Variants in ULK4 observed in about 807,000 individuals in gnomAD.
ULK4 encodes the protein unc-51 like kinase 4, also known as inactive serine/threonine-protein kinase ULK4.
Under a neutral mutation model 160.6 loss-of-function variants are expected in ULK4, and 133 were observed. The ratio of observed to expected loss-of-function variants is 0.83; its 90% confidence interval spans 0.72 to 0.96. ULK4 has a LOEUF of 0.96. ULK4 is among the 40% of genes least tolerant of loss of function. ULK4 has a pLI of 0.00. For synonymous variants in ULK4, 534 were observed against 539.8 expected (o/e 0.99, Z 0.15); for missense variants, 1,580 against 1,499.5 (o/e 1.05, Z -0.89).
At chr3:41,812,270 G>A (rs1020486062) in intron 19 of ULK4, among the ~76,000 whole-genome samples, 14 of 152,106 alleles carry the variant, frequency 9.2e-5, no homozygotes, top group Non-Finnish European at 1.5e-4. Flanking sequence ...AGGTGAGAGA[G>A]CAAGACCCTG....
intron 21 of ULK4, among the ~76,000 whole-genome samples, chr3:41,789,250 C>G (rs140893364): frequency 2.1e-4 from 32 of 152,232 alleles, no homozygotes; most frequent in African/African-American, 7.0e-4. Context: ...ATAATTTCAA[C>G]TGGCAGAGTA....
chr3:41,726,023 A>G (rs958616610), intron 22 of ULK4, among the ~76,000 whole-genome samples: 7 of 152,236 alleles, frequency 4.6e-5, no homozygotes, highest in African/African-American at 1.4e-4. Flanking sequence ...AAGGAATCCA[A>G]ATGAAATCCT....
intron 30 of ULK4, among the ~76,000 whole-genome samples, chr3:41,618,205 A>G (rs2033071937): frequency 6.6e-6 from 1 of 152,228 alleles, no homozygotes; most frequent in Non-Finnish European, 1.5e-5. Context: ...ATATTTCAGG[A>G]TATTATCCAG....
intron 35 of ULK4, among the ~76,000 whole-genome samples, chr3:41,256,640 G>T (rs1436602351): frequency 6.6e-6 from 1 of 152,142 alleles, no homozygotes; most frequent in African/African-American, 2.4e-5. Flanking sequence ...ACTTCTAGAA[G>T]AAAATATGGA....
intron 35 of ULK4, among the ~76,000 whole-genome samples, chr3:41,384,984 G>A (rs2081770212): frequency 6.6e-6 from 1 of 152,054 alleles, no homozygotes; most frequent in South Asian, 2.1e-4. Flanking sequence ...GAATCCCTGA[G>A]GTCAAGGCTG....
At chr3:41,553,914 G>A (rs141669418) in intron 32 of ULK4, among the ~76,000 whole-genome samples, 9,292 of 151,858 alleles carry the variant, frequency 0.061, 849 homozygotes, top group African/African-American at 0.2. Flanking sequence ...GCAAATACTA[G>A]GTCTTATTCA....
At chr3:41,836,175 C>T (rs1013030474) in intron 17 of ULK4, among the ~76,000 whole-genome samples, 5 of 150,046 alleles carry the variant, frequency 3.3e-5, no homozygotes, top group African/African-American at 1.3e-4. Context: ...GTAAAATAAA[C>T]ACATATAGCC....
At chr3:41,949,432 A>ATTT (rs368229748) in intron 2 of ULK4, among the ~76,000 whole-genome samples, 7 of 141,592 alleles carry the variant, frequency 4.9e-5, no homozygotes, top group South Asian at 2.2e-4. Context: ...GATTAGCGGA[A>ATTT]TTTTTTTTTT....
At chr3:41,581,791 T>C (rs567720451) in intron 31 of ULK4, among the ~76,000 whole-genome samples, 1 of 151,778 alleles carries the variant, frequency 6.6e-6, no homozygotes, top group East Asian at 1.9e-4. Flanking sequence ...GAGGCTAGAG[T>C]GAGCTGAGAG....
At chr3:41,960,408 G>C (rs1333890864) in intron 1 of ULK4, among the ~76,000 whole-genome samples, 1 of 151,540 alleles carries the variant, frequency 6.6e-6, no homozygotes, top group Non-Finnish European at 1.5e-5. Flanking sequence ...AGTGGCCCAG[G>C]CTGGTGTGCA....
At chr3:41,306,384 C>G (rs1291821864) in intron 35 of ULK4, among the ~76,000 whole-genome samples, 1 of 136,700 alleles carries the variant, frequency 7.3e-6, no homozygotes, top group Admixed American at 6.9e-5. Context: ...CTGCCCCGTC[C>G]GGGAGGTGAG....
intron 2 of ULK4, among the ~76,000 whole-genome samples, chr3:41,949,337 A>ACACAC (rs1485286785): frequency 2.7e-5 from 4 of 150,436 alleles, no homozygotes; most frequent in Non-Finnish European, 5.9e-5. Flanking sequence ...CACACACACA[A>ACACAC]AAAGTAAAGT....
At chr3:41,403,943 GA>G (rs2082238941) in intron 34 of ULK4, among the ~76,000 whole-genome samples, 1 of 152,052 alleles carries the variant, frequency 6.6e-6, no homozygotes, top group South Asian at 2.1e-4. Context: ...TGTTATTAGA[GA>G]ACAATGTTCT....
At chr3:41,298,816 T>A (rs188114999) in intron 35 of ULK4, among the ~76,000 whole-genome samples, 353 of 152,322 alleles carry the variant, frequency 2.3e-3, no homozygotes, top group Non-Finnish European at 4.3e-3. Context: ...CACACTGGTG[T>A]GTACTAGTTG....
At chr3:41,673,771 T>TC (rs1268558183) in intron 29 of ULK4, among the ~76,000 whole-genome samples, 2 of 152,114 alleles carry the variant, frequency 1.3e-5, no homozygotes, top group African/African-American at 4.8e-5. Flanking sequence ...AGCGTATTTT[T>TC]CCCACAGCTT....
At chr3:41,428,226 C>G (rs1387843639) in intron 34 of ULK4, among the ~76,000 whole-genome samples, 1 of 152,134 alleles carries the variant, frequency 6.6e-6, no homozygotes, top group South Asian at 2.1e-4. Flanking sequence ...TGAAAGATCT[C>G]TTCAAGGAGA....
chr3:41,646,044 G>T (rs566710007), intron 30 of ULK4, among the ~76,000 whole-genome samples: 3,482 of 152,174 alleles, frequency 0.023, 60 homozygotes, highest in Non-Finnish European at 0.036. Flanking sequence ...CCATTTGCCT[G>T]GTAGATCTTC....
At chr3:41,450,432 C>T (rs1450308245) in intron 34 of ULK4, among the ~76,000 whole-genome samples, 2 of 152,168 alleles carry the variant, frequency 1.3e-5, no homozygotes, top group African/African-American at 2.4e-5. Flanking sequence ...ATAAACATTT[C>T]ACTATGGCTC....
intron 22 of ULK4, among the ~76,000 whole-genome samples, chr3:41,747,334 C>T (rs1427683975): frequency 6.6e-6 from 1 of 151,850 alleles, no homozygotes; most frequent in African/African-American, 2.4e-5. Flanking sequence ...ACATTGGCTC[C>T]TGCATTCTTT....
Sources: gnomAD v4.1 joint callset for allele counts (sites outside exome capture counted in the v4.1 genomes callset) on GRCh38, gnomAD v4.1.1 for gene constraint, MANE v1.5 for transcripts, NCBI Gene and HGNC (gene_info 2026-07-23, HGNC 2026-07-21) for gene names.